USP34: variants seen among roughly 807,000 people sequenced by gnomAD.
USP34 encodes the protein ubiquitin specific peptidase 34, also known as ubiquitin carboxyl-terminal hydrolase 34.
A neutral mutation model predicts 460.3 loss-of-function variants in USP34; 70 were observed. The observed-to-expected ratio is 0.15, with a 90% CI of 0.13 to 0.19. USP34 has a LOEUF of 0.19. Among genes scored for constraint, USP34 ranks in the 10% least tolerant of loss-of-function variants. USP34 has a pLI of 1.00. For synonymous variants in USP34, 1,647 were observed against 1,405.3 expected (o/e 1.17, Z -3.85); for missense variants, 3,985 against 4,236.2 (o/e 0.94, Z 1.65).
chr2:61,380,002 TTAAAA>T (rs1301961682), intron 7 of USP34, among the ~76,000 whole-genome samples, 162 bp downstream of exon 7: 2 of 152,202 alleles, frequency 1.3e-5, no homozygotes, highest in African/African-American at 4.8e-5. Flanking sequence ...TCAGACTTAT[TTAAAA>T]TAAGAGAAAC....
intron 48 of USP34, among the ~76,000 whole-genome samples, chr2:61,249,472 T>A (rs1167877030): frequency 5.3e-5 from 8 of 152,250 alleles, no homozygotes; most frequent in African/African-American, 1.9e-4. Context: ...TTTGAAATTT[T>A]CTATGTAATA....
At chr2:61,287,706 A>G (rs1226762788) in intron 34 of USP34, among the ~76,000 whole-genome samples, 1 of 152,254 alleles carries the variant, frequency 6.6e-6, no homozygotes, top group East Asian at 1.9e-4. Context: ...AATACAGTAT[A>G]TAATAGTATT....
At chr2:61,235,318 A>T (rs199834457) in intron 57 of USP34, among the ~76,000 whole-genome samples, 21 of 124,760 alleles carry the variant, frequency 1.7e-4, no homozygotes, top group Admixed American at 2.0e-4. Context: ...GGGGGAAAAA[A>T]TTTTTTTTTC....
At chr2:61,443,690 G>A (rs1327014103) in intron 1 of USP34, among the ~76,000 whole-genome samples, 1 of 152,162 alleles carries the variant, frequency 6.6e-6, no homozygotes, top group East Asian at 1.9e-4. Flanking sequence ...GAATGAATGG[G>A]TAGGGCACAC....
intron 1 of USP34, among the ~76,000 whole-genome samples, chr2:61,463,300 C>T (rs1262600160): frequency 6.6e-6 from 1 of 151,928 alleles, no homozygotes; most frequent in Non-Finnish European, 1.5e-5. Flanking sequence ...TGCACCCCAG[C>T]ATGGGTGATA....
chr2:61,267,545 C>A (rs1043932342), intron 41 of USP34, among the ~76,000 whole-genome samples: 1 of 151,630 alleles, frequency 6.6e-6, no homozygotes, highest in Non-Finnish European at 1.5e-5. Context: ...CAGGTTCGAG[C>A]GATTCTCCTG....
intron 16 of USP34, among the ~76,000 whole-genome samples, chr2:61,341,871 T>C (rs370202677): frequency 4.7e-5 from 7 of 149,862 alleles, no homozygotes; most frequent in South Asian, 2.2e-4. Flanking sequence ...CAAGTGATTC[T>C]CCTGCCTCAG....
intron 58 of USP34, among the ~76,000 whole-genome samples, chr2:61,230,414 T>C (rs990229650): frequency 3.3e-5 from 5 of 152,040 alleles, no homozygotes; most frequent in African/African-American, 1.2e-4. Flanking sequence ...TAATCTCAGC[T>C]AAGGAAGCTG....
chr2:61,341,732 A>C (rs1038470434), intron 16 of USP34, among the ~76,000 whole-genome samples: 3 of 151,482 alleles, frequency 2.0e-5, no homozygotes, highest in South Asian at 2.1e-4. Flanking sequence ...TTTTGTTTAT[A>C]AACTACCCAG....
At chr2:61,193,212 A>T in intron 75 of USP34, 1 of 343,164 alleles carries the variant, frequency 2.9e-6, no homozygotes, top group Non-Finnish European at 5.3e-6. Context: ...ATGGGACTTA[A>T]ATCAACTCTT....
At chr2:61,271,617 G>T (rs536016370) in intron 41 of USP34, among the ~76,000 whole-genome samples, 3 of 151,964 alleles carry the variant, frequency 2.0e-5, no homozygotes, top group Non-Finnish European at 4.4e-5. Context: ...GAAAAAGGAA[G>T]GGAGGAGGAG....
rs1307928188 is a variant in USP34 at position 61,188,565 on chromosome 2, G to A, written c.10178C>T (p.Ser3393Phe). 6 of 1,614,180 alleles carry A rather than the reference G, an allele frequency of 3.7e-6. No homozygotes were observed. Among genetic ancestry groups the A allele is most frequent in the South Asian group, 1.1e-5 (1 of 91,086 alleles). ...TSTSDNETRD[S>F]SIIDPGTEQD... ...CTCAGTTCCTGGATCAATAATTGAGGAGTCTCTGGTCTCATTGTCAGAAGT... is the reference window on the plus strand; with the variant it reads ...CTCAGTTCCTGGATCAATAATTGAGAAGTCTCTGGTCTCATTGTCAGAAGT... The change falls in exon 80 of 80, where the codon TCC becomes TTC. Residue 3393 changes from serine (S) to phenylalanine (F), a missense_variant. Transcript: ENST00000398571.
At chr2:61,461,686 C>T (rs1695604921) in intron 1 of USP34, among the ~76,000 whole-genome samples, 1 of 152,102 alleles carries the variant, frequency 6.6e-6, no homozygotes, top group African/African-American at 2.4e-5. Flanking sequence ...GGATAATATT[C>T]AAGACAGGTG....
chr2:61,227,339 T>A (rs2103822199), intron 61 of USP34, 121 bp from the exon 62 acceptor site: 1 of 1,108,070 alleles, frequency 9.0e-7, no homozygotes, highest in Non-Finnish European at 1.3e-6. Context: ...GAAAAACAAC[T>A]GCACAAAGAC....
chr2:61,404,248 G>C (rs913305440), intron 3 of USP34, among the ~76,000 whole-genome samples: 2 of 151,888 alleles, frequency 1.3e-5, no homozygotes, highest in African/African-American at 4.8e-5. Context: ...GAACAAATAA[G>C]CTAGAGAAAA....
At chr2:61,283,788 G>T (rs904806668) in intron 35 of USP34, among the ~76,000 whole-genome samples, 1 of 152,018 alleles carries the variant, frequency 6.6e-6, no homozygotes, top group Non-Finnish European at 1.5e-5. Flanking sequence ...GCTAATTTTT[G>T]CAAAAGAGAC....
chr2:61,367,950 G>A lies in USP34; in HGVS notation c.1251+2371C>T, dbSNP rs1032132625. Among the ~76,000 whole-genome samples, 16 of 152,062 alleles carry A rather than the reference G, an allele frequency of 1.1e-4. No homozygotes were observed. In the East Asian group the frequency reaches 2.5e-3, roughly 24 times the overall value. On this transcript the variant is annotated intron_variant, in intron 10 of 79. Coordinates refer to ENST00000398571, the MANE Select transcript of USP34 (RefSeq NM_014709.4). ...TAACAATAATGAGGAAGGACTAGTC[G>A]TCTCAGGCATTTAAAAATATTACAA...
chr2:61,395,117 A>T (rs901760407), intron 4 of USP34, 66 bp downstream of exon 4: 1 of 1,440,874 alleles, frequency 6.9e-7, no homozygotes, highest in Non-Finnish European at 9.4e-7. Context: ...ATAATAAAAC[A>T]TATGGATGAG....
chr2:61,416,541 T>A (rs2103962066), intron 2 of USP34, among the ~76,000 whole-genome samples: 1 of 152,196 alleles, frequency 6.6e-6, no homozygotes, highest in South Asian at 2.1e-4. Context: ...CTCAGTTTTG[T>A]AATAAGCTTA....
Sources: gnomAD v4.1 joint callset for allele counts (sites outside exome capture counted in the v4.1 genomes callset) on GRCh38, gnomAD v4.1.1 for gene constraint, MANE v1.5 for transcripts, NCBI Gene and HGNC (gene_info 2026-07-23, HGNC 2026-07-21) for gene names.